Variants in FAM200A observed in about 807,000 individuals in gnomAD.
FAM200A encodes protein FAM200A.
Under a neutral mutation model 44.2 loss-of-function variants are expected in FAM200A, and 26 were observed. The observed-to-expected ratio is 0.59, with a 90% CI of 0.43 to 0.82. The LOEUF is 0.82. FAM200A is among the 40% of genes least tolerant of loss of function. The pLI is 0.00. For synonymous variants in FAM200A, 206 were observed against 244.4 expected, an observed-to-expected ratio of 0.84 and a Z score of 1.47; for missense variants, 606 against 669.5, an observed-to-expected ratio of 0.91 and a Z score of 1.05.
upstream of FAM200A, among the ~76,000 whole-genome samples, chr7:99,552,382 TTGTC>T (rs72443505): frequency 0.014 from 2,150 of 152,314 alleles, 42 homozygotes; most frequent in African/African-American, 0.048. Context: ...AAAATAGTGA[TTGTC>T]TGTGGCAGAG....
intron 1 of FAM200A, among the ~76,000 whole-genome samples, chr7:99,549,059 G>T (rs867371810): frequency 7.4e-3 from 2 of 270 alleles, no homozygotes; most frequent in African/African-American, 0.026. Context: ...TGAGCAAGAC[G>T]CTGTCTCAAA....
chr7:99,558,232 C>G (rs1041769392), intron 1 of FAM200A: 8 of 152,206 alleles, frequency 5.3e-5, no homozygotes, highest in Admixed American at 3.3e-4. Flanking sequence ...TCTGAGCAGG[C>G]ACCCCTGTGC....
upstream of FAM200A, among the ~76,000 whole-genome samples, chr7:99,553,068 C>CATATATATATATAT (rs745655559): frequency 3.0e-4 from 27 of 89,352 alleles, no homozygotes; most frequent in South Asian, 3.8e-3. Context: ...TATATACACA[C>CATATATATATATAT]ACATATATAT....
Position 99,548,045 on chromosome 7 carries a change from C to G in FAM200A, c.363G>C (p.Thr121=). 1 of 1,551,500 alleles carries G rather than the reference C, an allele frequency of 6.4e-7. No individual in the cohort carries two copies. The highest frequency in any genetic ancestry group is 8.7e-7 in the Non-Finnish European group (1 of 1,146,970). Residue 121 remains threonine (T), a synonymous_variant, in exon 2 of 2, where the codon ACG becomes ACC. Transcript: ENST00000449309. ...GCATTGCTTCCAAATGTTTTGCAAT[C>G]GTACAGATTCGACGAGATATTGTAT... ...SDNTISRRIC[T]IAKHLEAMLI...
At position 99,546,807 on chromosome 7, in the gene FAM200A, G is replaced by A. The variant is rs990784121; in HGVS notation, c.1601C>T (p.Thr534Ile). 1.9e-6 allele frequency: 3 copies of A among 1,551,634 alleles called. No individual in the cohort carries two copies. The highest frequency in any genetic ancestry group is 2.6e-6 in the Non-Finnish European group (3 of 1,146,994). The change falls in exon 2 of 2, where the codon ACA becomes ATA. Residue 534 changes from threonine (T) to isoleucine (I), a missense_variant. Thr to Ile is a moderately conservative substitution (Grantham distance 89). Coordinates refer to ENST00000449309, the MANE Select transcript of FAM200A (RefSeq NM_145111.4). Reference sequence around the variant, plus strand: ...ATTTCTCTTCTTTGTTTTTAACCGTGTCAAGATTGAAAATCCTAGTTCACA... The same window carrying A: ...ATTTCTCTTCTTTGTTTTTAACCGTATCAAGATTGAAAATCCTAGTTCACA... ...YLCELGFSIL[T>I]RLKTKKRNRL...
rs1448703589 is a variant in FAM200A at position 99,551,983 on chromosome 7, A to C, written c.-229T>G. ...GGCGAGGGGATTGCAGGACACAGCCATGCACGTCCAACTCTGTCCCCGCCC... is the reference window on the plus strand; with the variant it reads ...GGCGAGGGGATTGCAGGACACAGCCCTGCACGTCCAACTCTGTCCCCGCCC... On this transcript the variant is annotated 5_prime_UTR_variant, in exon 1 of 2. It removes an upstream start codon present in the reference 5' UTR. Transcript: ENST00000449309. The C allele has an allele frequency of 8.1e-6, 8 of 985,420 alleles. No individual in the cohort carries two copies. Among genetic ancestry groups the C allele is most frequent in the Non-Finnish European group, 8.4e-6 (7 of 830,014 alleles). The allele number at this position is 985,420 out of a possible 1,614,324, so 61.0% of individuals were successfully genotyped here. A position where few individuals can be genotyped will look rare whatever the true frequency, so the allele number is the denominator to read the frequency against.
chr7:99,547,541 T>C lies in FAM200A; in HGVS notation c.867A>G (p.Gly289=), dbSNP rs1351142196. The C allele has an allele frequency of 1.9e-6, 3 of 1,551,022 alleles. No homozygotes were observed. Among genetic ancestry groups the C allele is most frequent in the Non-Finnish European group, 2.6e-6 (3 of 1,146,814 alleles). Residue 289 remains glycine, a synonymous_variant, in exon 2 of 2, where the codon GGA becomes GGG. Transcript: ENST00000449309. The part of the protein sequence containing the change: ...RLLEIFCSEI[G]VNHTHLLFHT... ...GAAACAATAAGTGGGTGTGGTTCAC[T>C]CCAATCTCTGAACAAAATATTTCGA...
Position 99,547,663 on chromosome 7 carries a change from C to T in FAM200A, c.745G>A (p.Val249Ile). ...AGACTTGGTGAAATTTCTTTGGATA[C>T]CAAAGCTTCTCGATGAATAAAACAG... ...NHCFIHREALVSKEISPSLMD... is the reference protein window; with the variant it reads ...NHCFIHREALISKEISPSLMD... The change falls in exon 2 of 2, where the codon GTA becomes ATA. Residue 249 changes from valine (V) to isoleucine (I), a missense_variant. Coordinates refer to ENST00000449309, the MANE Select transcript of FAM200A (RefSeq NM_145111.4). 6.4e-7 allele frequency: 1 copy of T among 1,551,140 alleles called. No homozygotes were observed. The highest frequency in any genetic ancestry group is 8.7e-7 in the Non-Finnish European group (1 of 1,146,848).
At position 99,547,603 on chromosome 7, in the gene FAM200A, T is replaced by G; in HGVS notation, c.805A>C (p.Asn269His). The stretch of plus-strand genomic sequence containing the variant: ...TTCAGTGAGCTTCCTTTAATAAAAT[T>G]AACAGTTTTCACTGCATTTTTCAAT... ...DVLKNAVKTVNFIKGSSLNSR... is the reference protein window; with the variant it reads ...DVLKNAVKTVHFIKGSSLNSR... The change falls in exon 2 of 2, where the codon AAT (asparagine) becomes CAT (histidine). Residue 269 changes from asparagine to histidine, a missense_variant. Coordinates refer to ENST00000449309, the MANE Select transcript of FAM200A (RefSeq NM_145111.4). The G allele has an allele frequency of 6.4e-7, 1 of 1,551,390 alleles. No individual in the cohort carries two copies. The highest frequency in any genetic ancestry group is 8.7e-7 in the Non-Finnish European group (1 of 1,146,926).
rs1405504521 is a variant in FAM200A at position 99,552,078 on chromosome 7, A to T, written c.-324T>A. The T allele has an allele frequency of 1.0e-6, 1 of 985,352 alleles. No individual in the cohort carries two copies. Among genetic ancestry groups the T allele is most frequent in the Admixed American group, 6.1e-5 (1 of 16,274 alleles). The allele number at this position is 985,352 out of a possible 1,614,324, so 61.0% of individuals were successfully genotyped here. On this transcript the variant is annotated 5_prime_UTR_variant, in exon 1 of 2. Coordinates refer to ENST00000449309, the MANE Select transcript of FAM200A (RefSeq NM_145111.4). The stretch of plus-strand genomic sequence containing the variant: ...GACCAGGAGCACTAGACTCACATCC[A>T]AGCCCCCTGGCCTTCAGAGCCCAGG...
upstream of FAM200A, among the ~76,000 whole-genome samples, chr7:99,553,077 A>G (rs1802584911): frequency 1.2e-5 from 1 of 80,854 alleles, no homozygotes; most frequent in African/African-American, 7.8e-5. Flanking sequence ...ACACATATAT[A>G]TATATATATA....
chr7:99,546,374 AT>A lies in FAM200A; in HGVS notation c.*311del, dbSNP rs879111327. 2,939 of 210,404 alleles carry A rather than the reference AT, an allele frequency of 0.014. No homozygotes were observed. Among genetic ancestry groups the A allele is most frequent in the Middle Eastern group, 0.022 (14 of 628 alleles). The allele number at this position is 210,404 out of a possible 1,614,324, so 13.0% of individuals were successfully genotyped here. A position where few individuals can be genotyped will look rare whatever the true frequency, so the allele number is the denominator to read the frequency against. Reference sequence around the variant, plus strand: ...AAATCCCTTTAAAAGTACAAATACAATTTTTTTTTTTTGAGATGAAGTCTCA... The same window carrying A: ...AAATCCCTTTAAAAGTACAAATACAATTTTTTTTTTTGAGATGAAGTCTCA... On this transcript the variant is annotated 3_prime_UTR_variant, in exon 2 of 2. Transcript: ENST00000449309.
chr7:99,552,061 GCACTAGACT>G lies in FAM200A; in HGVS notation c.-316_-308del, dbSNP rs1370863110. 1 of 985,468 alleles carries G rather than the reference GCACTAGACT, an allele frequency of 1.0e-6. No homozygotes were observed. 61.0% of individuals were successfully genotyped at this position (985,468 alleles called of 1,614,324 possible). ...GGGGTTGTGACTTTGGGGACCAGGAGCACTAGACTCACATCCAAGCCCCCTGGCCTTCAG... is the reference window on the plus strand; with the variant it reads ...GGGGTTGTGACTTTGGGGACCAGGAGCACATCCAAGCCCCCTGGCCTTCAG... On this transcript the variant is annotated 5_prime_UTR_variant, in exon 1 of 2. It removes the in-frame stop codon of an upstream open reading frame in the 5' UTR. Coordinates refer to ENST00000449309, the MANE Select transcript of FAM200A (RefSeq NM_145111.4).
rs761963538 is a variant in FAM200A at position 99,547,453 on chromosome 7, C to T, written c.955G>A (p.Glu319Lys). The T allele has an allele frequency of 8.8e-5, 136 of 1,551,248 alleles. No homozygotes were observed. The highest frequency in any genetic ancestry group is 1.7e-4 in the Middle Eastern group (1 of 6,012). ...TTTTCAACGAGAAAAATGTAAATCT[C>T]GTTCCTGAGTTCATATACTCTGCTC... The part of the protein sequence containing the change: ...VLSRVYELRN[E>K]IYIFLVEKQS... The change falls in exon 2 of 2, where the codon GAG becomes AAG. Residue 319 changes from glutamate to lysine, a missense_variant. Coordinates refer to ENST00000449309, the MANE Select transcript of FAM200A (RefSeq NM_145111.4).
In FAM200A at chr7:99,547,316, T is replaced by C; in HGVS notation, c.1092A>G (p.Lys364=). Residue 364 remains lysine, a synonymous_variant, in exon 2 of 2, where the codon AAA becomes AAG. Coordinates refer to ENST00000449309, the MANE Select transcript of FAM200A (RefSeq NM_145111.4). ...CAAGATACTGAAATATATCATTGTT[T>C]TTCCCCTGCATTTTCAGGCTTAATT... ...LNELSLKMQG[K]NNDIFQYLEH... 1.9e-5 allele frequency: 30 copies of C among 1,550,522 alleles called. No homozygotes were observed. Among genetic ancestry groups the C allele is most frequent in the Non-Finnish European group, 2.4e-5 (28 of 1,146,628 alleles).
chr7:99,549,236 T>C lies in FAM200A; in HGVS notation c.-99-730A>G, dbSNP rs140431837. Among the ~76,000 whole-genome samples, 28 of 151,300 alleles carry C rather than the reference T, an allele frequency of 1.9e-4. 1 individual carries two copies. In the East Asian group the frequency reaches 5.0e-3, roughly 27 times the overall value. ...TATTATGAATATTGAAACATGTTCA[T>C]GTTACATAGATCCATGAATTATTCT... is the stretch of plus-strand genomic sequence containing the variant. On this transcript the variant is annotated intron_variant, in intron 1 of 1. Transcript: ENST00000449309.
At position 99,547,600 on chromosome 7, in the gene FAM200A, A is replaced by G; in HGVS notation, c.808T>C (p.Phe270Leu). 6.4e-7 allele frequency: 1 copy of G among 1,551,386 alleles called. No homozygotes were observed. Among genetic ancestry groups the G allele is most frequent in the Non-Finnish European group, 8.7e-7 (1 of 1,146,930 alleles). The change falls in exon 2 of 2, where the codon TTT becomes CTT. Residue 270 changes from phenylalanine to leucine, a missense_variant. Phe to Leu is a conservative substitution (Grantham distance 22, BLOSUM62 0). Coordinates refer to ENST00000449309, the MANE Select transcript of FAM200A (RefSeq NM_145111.4). ...VLKNAVKTVN[F>L]IKGSSLNSRL... is the part of the protein sequence containing the mutation. ...CTATTCAGTGAGCTTCCTTTAATAA[A>G]ATTAACAGTTTTCACTGCATTTTTC...
rs889137529 is a variant in FAM200A, at chr7:99,551,945, C to T, written c.-191G>A. On this transcript the variant is annotated 5_prime_UTR_variant, in exon 1 of 2. Coordinates refer to ENST00000449309, the MANE Select transcript of FAM200A (RefSeq NM_145111.4). ...GGGCACGGACCCGCTTCCACTCCGT[C>T]CCGGGCGGTCGTGGCGAGGGGATTG... The T allele has an allele frequency of 1.0e-6, 1 of 985,434 alleles. No homozygotes were observed. The highest frequency in any genetic ancestry group is 1.7e-5 in the African/African-American group (1 of 57,254). The allele number at this position is 985,434 out of a possible 1,614,324, so 61.0% of individuals were successfully genotyped here.
chr7:99,550,447 C>G (rs1366210597), intron 1 of FAM200A, among the ~76,000 whole-genome samples: 1 of 152,114 alleles, frequency 6.6e-6, no homozygotes, highest in Non-Finnish European at 1.5e-5. Context: ...CACTTAGCCT[C>G]TCTCAATAAT....
Sources: allele counts gnomAD v4.1 joint callset (sites outside exome capture counted in the v4.1 genomes callset), GRCh38; gene constraint gnomAD v4.1.1; transcripts MANE v1.5; gene names NCBI Gene and HGNC (gene_info 2026-07-23, HGNC 2026-07-21).